The following TRPM8 variants were observed in gnomAD, a reference collection of about 807,000 sequenced individuals.
TRPM8 encodes transient receptor potential cation channel subfamily M member 8.
Under a neutral mutation model 133.7 loss-of-function variants are expected in TRPM8, and 110 were observed. The observed-to-expected ratio is 0.82, with a 90% confidence interval of 0.70 to 0.96. The LOEUF (loss-of-function observed/expected upper bound fraction) is 0.96, where lower values mean the gene tolerates loss of function less well. Ranked by LOEUF, TRPM8 falls within the 40% of genes least tolerant of loss-of-function variation. The pLI is 0.00. For synonymous variants in TRPM8, 535 were observed against 532.3 expected, an observed-to-expected ratio of 1.01 and a Z score of -0.07; for missense variants, 1,291 against 1,379.5, an observed-to-expected ratio of 0.94 and a Z score of 1.02.
At chr2:233,966,501 C>CA in intron 14 of TRPM8, 109 bp from the exon 15 acceptor site, 2 of 1,348,694 alleles carry the variant, frequency 1.5e-6, no homozygotes, top group Non-Finnish European at 1.0e-6. Context: ...AGAATGGACT[C>CA]ACGCACAGGC....
intron 15 of TRPM8, chr2:233,968,096 C>G (rs950310306): frequency 3.3e-5 from 5 of 152,392 alleles, no homozygotes; most frequent in Admixed American, 2.6e-4. Flanking sequence ...GAACCCAACC[C>G]AGTGCTGTAA....
At chr2:233,985,665 C>T (rs764391697) in intron 20 of TRPM8, 23 bp from the exon 21 acceptor site, 2 of 1,609,422 alleles carry the variant, frequency 1.2e-6, no homozygotes, top group Non-Finnish European at 1.7e-6. Context: ...CCTCACTTTG[C>T]CTGTTGGTTT....
chr2:233,976,722 C>G (rs1031604207), intron 17 of TRPM8, among the ~76,000 whole-genome samples: 1 of 152,146 alleles, frequency 6.6e-6, no homozygotes, highest in Non-Finnish European at 1.5e-5. Context: ...GGGAAGCACC[C>G]TGTGCTTAGG....
rs1691480319 is a variant in TRPM8 at position 233,963,165 on chromosome 2, G to A, written c.1654-117G>A. On this transcript the variant is annotated intron_variant, in intron 12 of 25. Transcript: ENST00000324695. ...TGAAAATCCCATCACTGTACTGTGA[G>A]AATGGAGTCATGCACAAAGCCACAG... The A allele has an allele frequency of 5.3e-6, 3 of 562,912 alleles. No homozygotes were observed. The South Asian group carries it at 9.5e-5, about 18-fold the overall frequency. 34.9% of individuals were successfully genotyped at this position (562,912 alleles called of 1,614,324 possible). A position where few individuals can be genotyped will look rare whatever the true frequency, so the allele number is the denominator to read the frequency against.
intron 12 of TRPM8, 75 bp downstream of exon 12, chr2:233,961,141 C>A: frequency 7.0e-7 from 1 of 1,423,142 alleles, no homozygotes; most frequent in South Asian, 1.3e-5. Context: ...CTCCATTTTC[C>A]CTACTCCCTA....
At chr2:234,008,802 C>T (rs147901800) in intron 24 of TRPM8, among the ~76,000 whole-genome samples, 83 of 152,242 alleles carry the variant, frequency 5.5e-4, no homozygotes, top group African/African-American at 1.9e-3. Flanking sequence ...ATAGTAGAGC[C>T]TTAATAAATG....
intron 11 of TRPM8, among the ~76,000 whole-genome samples, chr2:233,956,313 A>G (rs1691292534): frequency 6.6e-6 from 1 of 152,182 alleles, no homozygotes; most frequent in African/African-American, 2.4e-5. Context: ...GAAGTTGCAC[A>G]TGCAATAAAA....
At chr2:233,967,708 C>A (rs1691609928) in intron 15 of TRPM8, among the ~76,000 whole-genome samples, 1 of 152,206 alleles carries the variant, frequency 6.6e-6, no homozygotes, top group Non-Finnish European at 1.5e-5. Context: ...TGATCCATGA[C>A]AAGGAGCATG....
intron 15 of TRPM8, among the ~76,000 whole-genome samples, 170 bp from the exon 16 acceptor site, chr2:233,969,525 T>C (rs1691654823): frequency 6.6e-6 from 1 of 152,028 alleles, no homozygotes; most frequent in East Asian, 1.9e-4. Context: ...AAATTGTTTT[T>C]TTTAACACTG....
intron 21 of TRPM8, among the ~76,000 whole-genome samples, chr2:233,990,799 C>T (rs1574768728): frequency 6.6e-6 from 1 of 152,156 alleles, no homozygotes; most frequent in Admixed American, 6.5e-5. Flanking sequence ...CTCTGACCAC[C>T]TCATCTAACC....
At chr2:233,934,307 T>G (rs1691743811) in intron 3 of TRPM8, among the ~76,000 whole-genome samples, 1 of 152,190 alleles carries the variant, frequency 6.6e-6, no homozygotes, top group Non-Finnish European at 1.5e-5. Context: ...TGTGCTGTGG[T>G]GCCTGATCTT....
Position 233,950,151 on chromosome 2 carries a change from G to A in TRPM8, c.1140+5G>A. On this transcript the variant is annotated splice_donor_5th_base_variant and intron_variant, in intron 9 of 25. Transcript: ENST00000324695. The stretch of plus-strand genomic sequence containing the variant: ...ACTGAGAGTTGGATCAAATGGGTAA[G>A]TTGTCGGGACCATGTCTGAGGGCTG... 6.2e-7 allele frequency: 1 copy of A among 1,611,470 alleles called. No homozygotes were observed. The highest frequency in any genetic ancestry group is 8.5e-7 in the Non-Finnish European group (1 of 1,179,490).
intron 17 of TRPM8, among the ~76,000 whole-genome samples, chr2:233,973,323 G>A (rs1187011984): frequency 3.3e-5 from 5 of 152,196 alleles, no homozygotes; most frequent in African/African-American, 1.2e-4. Context: ...CTGAGATCAA[G>A]CTGTCAGCAG....
At chr2:233,943,263 C>A (rs1330794416) in intron 6 of TRPM8, among the ~76,000 whole-genome samples, 3 of 151,958 alleles carry the variant, frequency 2.0e-5, no homozygotes, top group Admixed American at 2.0e-4. Flanking sequence ...CTCCCCACTC[C>A]CCCCACTCCC....
intron 3 of TRPM8, among the ~76,000 whole-genome samples, chr2:233,933,318 A>C: frequency 6.6e-6 from 1 of 152,226 alleles, no homozygotes; most frequent in East Asian, 1.9e-4. Flanking sequence ...AAATGTGGCT[A>C]GGACAACGAA....
At chr2:233,983,545 C>T (rs936005984) in intron 20 of TRPM8, among the ~76,000 whole-genome samples, 2 of 152,178 alleles carry the variant, frequency 1.3e-5, no homozygotes, top group African/African-American at 4.8e-5. Context: ...TTGTACTCAT[C>T]GATGTAACAG....
intron 22 of TRPM8, among the ~76,000 whole-genome samples, chr2:234,000,133 CAG>C (rs1194214480): frequency 2.2e-5 from 2 of 90,896 alleles, no homozygotes; most frequent in East Asian, 7.1e-4. Flanking sequence ...ATTTTTGAGA[CAG>C]AGTCTCTCTG....
rs1692979146 is a variant in TRPM8 at position 234,017,300 on chromosome 2, T to A, written c.*44T>A. 1 of 470,878 alleles carries A rather than the reference T, an allele frequency of 2.1e-6. No homozygotes were observed. Among genetic ancestry groups the A allele is most frequent in the Non-Finnish European group, 4.4e-6 (1 of 227,068 alleles). The allele number at this position is 470,878 out of a possible 1,614,324, so 29.2% of individuals were successfully genotyped here. ...AGTGTTCTTTCTTTGTTTTTACAGA[T>A]CATATTAAGGAATGCTGATGAACAA... On this transcript the variant is annotated splice_region_variant and 3_prime_UTR_variant, in exon 26 of 26. Coordinates refer to ENST00000324695, the MANE Select transcript of TRPM8 (RefSeq NM_024080.5).
At chr2:233,961,602 C>A (rs1304603420) in intron 12 of TRPM8, among the ~76,000 whole-genome samples, 2 of 148,920 alleles carry the variant, frequency 1.3e-5, no homozygotes, top group Non-Finnish European at 3.0e-5. Context: ...CCGTGCCCGG[C>A]CTCTTTTTTC....
Sources: allele counts gnomAD v4.1 joint callset (sites outside exome capture counted in the v4.1 genomes callset), GRCh38; gene constraint gnomAD v4.1.1; transcripts MANE v1.5; gene names NCBI Gene and HGNC (gene_info 2026-07-23, HGNC 2026-07-21).